UBE2R2: variants seen among roughly 807,000 people sequenced by gnomAD.
UBE2R2 encodes the protein ubiquitin conjugating enzyme E2 R2.
UBE2R2 carries 1 observed loss-of-function variant against 27.8 expected under a neutral mutation model. The ratio of observed to expected loss-of-function variants is 0.04; its 90% CI spans 0.01 to 0.17. UBE2R2 has a LOEUF of 0.17. Ranked by LOEUF, UBE2R2 falls within the 10% of genes least tolerant of loss-of-function variation. The probability of loss-of-function intolerance (pLI) is 1.00; values close to 1 mark genes in which losing one functional copy is unlikely to be tolerated. For missense variants in UBE2R2, 100 were observed against 291.0 expected, an observed-to-expected ratio of 0.34 and a Z score of 4.78; for synonymous variants, 106 against 113.3, an observed-to-expected ratio of 0.94 and a Z score of 0.41.
chr9:33,848,344 T>A (rs751896048), intron 1 of UBE2R2, among the ~76,000 whole-genome samples: 17 of 152,168 alleles, frequency 1.1e-4, no homozygotes, highest in Non-Finnish European at 1.9e-4. Context: ...TCATTCTCCC[T>A]CTTTCCATAC....
intron 1 of UBE2R2, among the ~76,000 whole-genome samples, chr9:33,831,694 A>G (rs968143078): frequency 2.0e-5 from 3 of 150,608 alleles, no homozygotes; most frequent in Non-Finnish European, 4.4e-5. Flanking sequence ...GAGTCTCACT[A>G]TGTCGCCCAG....
intron 2 of UBE2R2, among the ~76,000 whole-genome samples, chr9:33,888,617 A>G (rs182638956): frequency 2.0e-5 from 3 of 152,282 alleles, no homozygotes; most frequent in Non-Finnish European, 4.4e-5. Flanking sequence ...CCTGGGTTCA[A>G]GCGATTCTCC....
intron 2 of UBE2R2, among the ~76,000 whole-genome samples, chr9:33,893,430 A>G (rs1400997201): frequency 6.6e-6 from 1 of 152,168 alleles, no homozygotes; most frequent in Non-Finnish European, 1.5e-5. Context: ...ATATTGCATT[A>G]TATAGATATA....
chr9:33,908,438 A>G (rs1822412050), intron 3 of UBE2R2, among the ~76,000 whole-genome samples: 1 of 152,178 alleles, frequency 6.6e-6, no homozygotes, highest in African/African-American at 2.4e-5. Context: ...GCACAATGGT[A>G]GGAGAAGGAG....
rs1554675184 is a variant in UBE2R2 at position 33,877,823 on chromosome 9, G to GTCTCTCTCTCTCTCTCTCTCTC, written c.178-9053_178-9032dup. ...TCTCTGTCTGTCTGTCTGTCTGTCT[G>GTCTCTCTCTCTCTCTCTCTCTC]TCTCTCTCTCTCTCTCTCTCTCTCT... On this transcript the variant is annotated intron_variant, in intron 1 of 4. Coordinates refer to ENST00000263228, the MANE Select transcript of UBE2R2 (RefSeq NM_017811.4). Among the ~76,000 whole-genome samples the GTCTCTCTCTCTCTCTCTCTCTC allele has an allele frequency of 8.8e-3, 1,155 of 130,974 alleles. 22 individuals carry two copies. The highest frequency in any genetic ancestry group is 0.019 in the Admixed American group (256 of 13,518). 85.9% of individuals were successfully genotyped at this position (130,974 alleles called of 152,430 possible).
chr9:33,902,395 G>T (rs1037552962), intron 3 of UBE2R2, among the ~76,000 whole-genome samples: 1 of 152,120 alleles, frequency 6.6e-6, no homozygotes, highest in Non-Finnish European at 1.5e-5. Context: ...TCAGTAGGTT[G>T]TTGATAGAAT....
At chr9:33,915,948 G>GAAA (rs1202919608) in intron 4 of UBE2R2, among the ~76,000 whole-genome samples, 1 of 152,188 alleles carries the variant, frequency 6.6e-6, no homozygotes, top group African/African-American at 2.4e-5. Context: ...GTGTGGGGCA[G>GAAA]GGGAAGAGCA....
intron 1 of UBE2R2, among the ~76,000 whole-genome samples, chr9:33,883,321 C>T (rs919726138): frequency 3.3e-5 from 5 of 152,136 alleles, no homozygotes; most frequent in African/African-American, 9.7e-5. Context: ...AGGACTCAGT[C>T]CCACAAGAAA....
At chr9:33,831,404 TTATGACTTAA>T (rs1820476290) in intron 1 of UBE2R2, among the ~76,000 whole-genome samples, 1 of 152,158 alleles carries the variant, frequency 6.6e-6, no homozygotes. Context: ...ATTTTCCTTC[TTATGACTTAA>T]TACTTTTTGT....
intron 1 of UBE2R2, among the ~76,000 whole-genome samples, chr9:33,821,939 AT>A (rs1825988095): frequency 6.6e-6 from 1 of 151,900 alleles, no homozygotes; most frequent in Non-Finnish European, 1.5e-5. Flanking sequence ...TATAGTTTTG[AT>A]TTTATTAAAT....
At chr9:33,820,549 A>T (rs1409434657) in intron 1 of UBE2R2, among the ~76,000 whole-genome samples, 1 of 152,200 alleles carries the variant, frequency 6.6e-6, no homozygotes, top group Non-Finnish European at 1.5e-5. Flanking sequence ...TTTTTATTTT[A>T]CTGCTTTTGT....
At chr9:33,908,260 G>A (rs1347696593) in intron 3 of UBE2R2, among the ~76,000 whole-genome samples, 3 of 152,198 alleles carry the variant, frequency 2.0e-5, no homozygotes, top group South Asian at 4.1e-4. Context: ...TCTCACAGGT[G>A]TCCATCTAAT....
intron 2 of UBE2R2, 88 bp downstream of exon 2, chr9:33,887,055 C>A: frequency 9.3e-7 from 1 of 1,071,008 alleles, no homozygotes; most frequent in Non-Finnish European, 1.4e-6. Flanking sequence ...CACTTTGATA[C>A]TTAGGCTTTT....
intron 2 of UBE2R2, among the ~76,000 whole-genome samples, chr9:33,896,827 TGAAAGAGTGTTA>T (rs150691067): frequency 0.06 from 9,162 of 151,982 alleles, 636 homozygotes; most frequent in African/African-American, 0.17. Flanking sequence ...GTTTTTATCA[TGAAAGAGTGTTA>T]GATTTTGTCA....
intron 2 of UBE2R2, among the ~76,000 whole-genome samples, chr9:33,889,298 G>A (rs1283545734): frequency 6.6e-6 from 1 of 152,200 alleles, no homozygotes; most frequent in Non-Finnish European, 1.5e-5. Context: ...GTCTGTTGAG[G>A]GCTTGTTTTT....
intron 4 of UBE2R2, 141 bp from the exon 5 acceptor site, chr9:33,916,877 G>A: frequency 1.5e-6 from 2 of 1,322,910 alleles, no homozygotes; most frequent in Non-Finnish European, 2.0e-6. Context: ...GTGTAGTACA[G>A]GGTATCTGTC....
chr9:33,906,321 C>T (rs572179206), intron 3 of UBE2R2, among the ~76,000 whole-genome samples: 15 of 152,182 alleles, frequency 9.9e-5, no homozygotes, highest in African/African-American at 3.4e-4. Context: ...AGGATTTTTC[C>T]GTGTTAGTCG....
chr9:33,869,742 G>T (rs770977094), intron 1 of UBE2R2, among the ~76,000 whole-genome samples: 14 of 152,292 alleles, frequency 9.2e-5, no homozygotes, highest in Non-Finnish European at 1.5e-4. Flanking sequence ...GAGCCACCGT[G>T]CCTGGCCGGG....
chr9:33,867,147 A>G (rs888984263), intron 1 of UBE2R2, among the ~76,000 whole-genome samples: 1 of 151,992 alleles, frequency 6.6e-6, no homozygotes, highest in East Asian at 1.9e-4. Flanking sequence ...CTCGGCCTCC[A>G]AAAGTGCTGG....
Sources: allele counts gnomAD v4.1 joint callset (sites outside exome capture counted in the v4.1 genomes callset), GRCh38; gene constraint gnomAD v4.1.1; transcripts MANE v1.5; gene names NCBI Gene and HGNC (gene_info 2026-07-23, HGNC 2026-07-21).